The following CACNG3 variants were observed in gnomAD, a reference collection of about 807,000 sequenced individuals.
CACNG3 encodes the protein voltage-dependent calcium channel gamma-3 subunit.
A neutral mutation model predicts 28.5 loss-of-function variants in CACNG3; 3 were observed. The observed-to-expected ratio is 0.11, with a 90% confidence interval of 0.05 to 0.27. The LOEUF is 0.27. Ranked by LOEUF, CACNG3 falls within the 10% of genes least tolerant of loss-of-function variation. The pLI is 1.00. For missense variants in CACNG3, 236 were observed against 414.4 expected, an observed-to-expected ratio of 0.57 and a Z score of 3.74; for synonymous variants, 174 against 162.2, an observed-to-expected ratio of 1.07 and a Z score of -0.55.
intron 1 of CACNG3, among the ~76,000 whole-genome samples, chr16:24,326,235 A>G (rs1275509535): frequency 2.0e-5 from 3 of 150,424 alleles, no homozygotes; most frequent in African/African-American, 7.3e-5. Flanking sequence ...GCAATGGCAC[A>G]ACCTCTGCTC....
chr16:24,317,600 A>C (rs192573460), intron 1 of CACNG3, among the ~76,000 whole-genome samples: 93 of 73,478 alleles, frequency 1.3e-3, no homozygotes, highest in African/African-American at 5.6e-3. Flanking sequence ...GAAAGAAAGA[A>C]AGAAAGAAAG....
intron 1 of CACNG3, among the ~76,000 whole-genome samples, chr16:24,313,728 T>A (rs1038157261): frequency 1.3e-5 from 2 of 151,726 alleles, no homozygotes; most frequent in African/African-American, 4.8e-5. Context: ...CCAAAGTGAC[T>A]TTTATGTTTT....
chr16:24,268,815 T>G (rs1267713008), intron 1 of CACNG3, among the ~76,000 whole-genome samples: 1 of 152,212 alleles, frequency 6.6e-6, no homozygotes, highest in Non-Finnish European at 1.5e-5. Flanking sequence ...CTGTTCCACT[T>G]CCTGAGGAGT....
intron 1 of CACNG3, among the ~76,000 whole-genome samples, chr16:24,292,161 G>C (rs1021273996): frequency 1.3e-5 from 2 of 152,142 alleles, no homozygotes; most frequent in African/African-American, 4.8e-5. Context: ...TAAGTTTAGC[G>C]CTGGAAGGGA....
chr16:24,360,032 G>A (rs918197953), intron 3 of CACNG3, among the ~76,000 whole-genome samples: 7 of 152,126 alleles, frequency 4.6e-5, no homozygotes, highest in African/African-American at 9.7e-5. Context: ...CAAAGAGTAC[G>A]GAACATTCAA....
intron 1 of CACNG3, among the ~76,000 whole-genome samples, chr16:24,318,810 GAA>G (rs1173540365): frequency 6.6e-6 from 1 of 152,168 alleles, no homozygotes; most frequent in Non-Finnish European, 1.5e-5. Flanking sequence ...ACCTCAGGTT[GAA>G]GGGGTTGGGG....
At chr16:24,349,158 G>A (rs1045878309) in intron 2 of CACNG3, among the ~76,000 whole-genome samples, 1 of 152,228 alleles carries the variant, frequency 6.6e-6, no homozygotes, top group Non-Finnish European at 1.5e-5. Flanking sequence ...CTGCCTGCCG[G>A]TCCCTTTCCT....
intron 2 of CACNG3, among the ~76,000 whole-genome samples, chr16:24,351,228 T>C (rs1188831044): frequency 6.6e-6 from 1 of 152,068 alleles, no homozygotes; most frequent in African/African-American, 2.4e-5. Context: ...AACTTACACA[T>C]GTAAGTTTCT....
intron 1 of CACNG3, among the ~76,000 whole-genome samples, chr16:24,322,292 G>T (rs140873903): frequency 6.6e-6 from 1 of 151,988 alleles, no homozygotes; most frequent in African/African-American, 2.4e-5. Flanking sequence ...GGAGAACACC[G>T]CCCAGCCAGT....
At chr16:24,277,275 G>C (rs1334572182) in intron 1 of CACNG3, among the ~76,000 whole-genome samples, 1 of 152,128 alleles carries the variant, frequency 6.6e-6, no homozygotes, top group Non-Finnish European at 1.5e-5. Context: ...TCGGCATCTG[G>C]AGTTTATACT....
chr16:24,300,636 C>A (rs962879345), intron 1 of CACNG3, among the ~76,000 whole-genome samples: 190 of 147,670 alleles, frequency 1.3e-3, no homozygotes, highest in African/African-American at 4.1e-3. Context: ...AAAAAAAAAA[C>A]CATAGACTGA....
At chr16:24,305,775 C>T (rs984228747) in intron 1 of CACNG3, among the ~76,000 whole-genome samples, 2 of 152,090 alleles carry the variant, frequency 1.3e-5, no homozygotes, top group Non-Finnish European at 2.9e-5. Context: ...AACAAACCTG[C>T]ACATTCTGCA....
chr16:24,328,759 G>A (rs1171486957), intron 1 of CACNG3, among the ~76,000 whole-genome samples: 1 of 152,172 alleles, frequency 6.6e-6, no homozygotes, highest in East Asian at 1.9e-4. Flanking sequence ...AGGCCTGGCA[G>A]CCATAAGACA....
At chr16:24,310,934 C>T (rs1053216023) in intron 1 of CACNG3, among the ~76,000 whole-genome samples, 12 of 152,304 alleles carry the variant, frequency 7.9e-5, no homozygotes, top group East Asian at 1.9e-4. Context: ...CAGGAAGCTA[C>T]TCTGCTGAAG....
At chr16:24,346,037 T>C (rs1383200503) in intron 1 of CACNG3, among the ~76,000 whole-genome samples, 11 of 152,194 alleles carry the variant, frequency 7.2e-5, no homozygotes, top group Admixed American at 7.2e-4. Context: ...TGTTTCCTCA[T>C]TGGTAAAATG....
chr16:24,347,169 T>G (rs573896491), intron 2 of CACNG3, among the ~76,000 whole-genome samples: 27 of 152,086 alleles, frequency 1.8e-4, no homozygotes, highest in African/African-American at 6.3e-4. Flanking sequence ...AATTAAAAAA[T>G]TAGCTGCATG....
chr16:24,307,126 CTGT>C (rs201783918), intron 1 of CACNG3, among the ~76,000 whole-genome samples: 10 of 151,974 alleles, frequency 6.6e-5, no homozygotes, highest in African/African-American at 1.7e-4. Flanking sequence ...GCCATCTTTG[CTGT>C]TGTTGTTGTT....
At position 24,280,722 on chromosome 16, in the gene CACNG3, A is replaced by G. The variant is rs190949382; in HGVS notation, c.211+23757A>G. Among the ~76,000 whole-genome samples the G allele has an allele frequency of 2.0e-5, 3 of 150,984 alleles. No homozygotes were observed. In the East Asian group the frequency reaches 5.9e-4, roughly 30 times the overall value. On this transcript the variant is annotated intron_variant, in intron 1 of 3. Transcript: ENST00000005284. ...TCCCAGCTACTTGGGAGGCTGAAGC[A>G]TGAAAATCACTTGAACCTGGGAGGC...
At chr16:24,350,665 A>G (rs765508204) in intron 2 of CACNG3, among the ~76,000 whole-genome samples, 7 of 152,186 alleles carry the variant, frequency 4.6e-5, no homozygotes, top group Non-Finnish European at 7.3e-5. Context: ...TCATTTTCTT[A>G]GGGCACACAT....
Sources: allele counts gnomAD v4.1 joint callset (sites outside exome capture counted in the v4.1 genomes callset), GRCh38; gene constraint gnomAD v4.1.1; transcripts MANE v1.5; gene names NCBI Gene and HGNC (gene_info 2026-07-23, HGNC 2026-07-21).